Variants in AIG1 observed in about 807,000 individuals in gnomAD.
The protein encoded by AIG1 is androgen induced 1, also known as androgen-induced gene 1 protein.
In AIG1, 23 loss-of-function variants were observed where a neutral mutation model predicts 31.4. The observed-to-expected ratio is 0.73, with a 90% confidence interval of 0.53 to 1.04. AIG1 has a LOEUF of 1.04. Among genes scored for constraint, AIG1 ranks in the 50% least tolerant of loss-of-function variants. The pLI, the probability that AIG1 is intolerant of heterozygous loss-of-function variation, is 0.00. For missense variants in AIG1, 274 were observed against 295.0 expected (o/e 0.93, Z 0.52); for synonymous variants, 100 against 110.5 (o/e 0.90, Z 0.60).
rs1281415372 is a variant in AIG1, at chr6:143,325,526, A to G, written c.516-7756A>G. ...GACTGAACTCATCATCCCTTCAAAC[A>G]GGCTCCCTTACAGCATTCCCTCTCT... is the stretch of plus-strand genomic sequence containing the variant. On this transcript the variant is annotated intron_variant, in intron 4 of 5. Transcript: ENST00000357847. This position sits in a 1 kb window ranked among gnomAD's most constrained non-coding sequence, Gnocchi z 4.3. Among the ~76,000 whole-genome samples the G allele has an allele frequency of 1.3e-5, 2 of 152,162 alleles. No homozygotes were observed. The highest frequency in any genetic ancestry group is 4.8e-5 in the African/African-American group (2 of 41,446).
intron 1 of AIG1, among the ~76,000 whole-genome samples, chr6:143,092,674 G>A (rs1056115010): frequency 6.6e-5 from 10 of 152,008 alleles, no homozygotes; most frequent in East Asian, 1.9e-4. Context: ...TTAGATTTTC[G>A]AAATGGTAAA....
intron 1 of AIG1, among the ~76,000 whole-genome samples, chr6:143,125,008 G>GT (rs781148314): frequency 1.3e-5 from 2 of 151,956 alleles, no homozygotes; most frequent in Non-Finnish European, 2.9e-5. Flanking sequence ...TCCAAGTTTT[G>GT]TTTTTTTGGG....
At chr6:143,184,242 C>A (rs1789013642) in intron 3 of AIG1, among the ~76,000 whole-genome samples, 1 of 152,174 alleles carries the variant, frequency 6.6e-6, no homozygotes, top group African/African-American at 2.4e-5. Flanking sequence ...TTCTGCAGCC[C>A]AAATTTCTCC....
chr6:143,118,600 T>G (rs565157189), intron 1 of AIG1, among the ~76,000 whole-genome samples: 1 of 152,364 alleles, frequency 6.6e-6, no homozygotes, highest in East Asian at 1.9e-4. Context: ...GAAAAATGTT[T>G]GTTCAGCCAT....
intron 3 of AIG1, among the ~76,000 whole-genome samples, chr6:143,232,533 T>C (rs1235466085): frequency 6.6e-6 from 1 of 152,198 alleles, no homozygotes; most frequent in East Asian, 1.9e-4. Flanking sequence ...CCCAAACACC[T>C]TCTTTGCCAA....
rs994978816 is a variant in AIG1 at position 143,326,548 on chromosome 6, G to A, written c.516-6734G>A. On this transcript the variant is annotated intron_variant, in intron 4 of 5. Coordinates refer to ENST00000357847, the MANE Select transcript of AIG1 (RefSeq NM_016108.4). This position sits in a 1 kb window ranked among gnomAD's most constrained non-coding sequence, Gnocchi z 4.5. ...CCCACCGAACTTACACTGTAGAGGG[G>A]GAGAAACATATTATTTAAATAAAGA... 3.3e-5 allele frequency among the ~76,000 whole-genome samples: 5 copies of A among 152,162 alleles called. No individual in the cohort carries two copies. The East Asian group carries it at 9.7e-4, about 29-fold the overall frequency.
At chr6:143,183,983 C>T (rs1423405245) in intron 3 of AIG1, among the ~76,000 whole-genome samples, 2 of 152,196 alleles carry the variant, frequency 1.3e-5, no homozygotes, top group Non-Finnish European at 2.9e-5. Context: ...AACCTCAGCA[C>T]ACATCATTGT....
intron 3 of AIG1, among the ~76,000 whole-genome samples, chr6:143,209,611 A>G (rs1468732154): frequency 1.3e-5 from 2 of 152,198 alleles, no homozygotes; most frequent in African/African-American, 2.4e-5. Context: ...GAAGTGCAAG[A>G]AAATGGATTC....
intron 3 of AIG1, among the ~76,000 whole-genome samples, chr6:143,208,909 A>G (rs1562491020): frequency 6.6e-6 from 1 of 152,114 alleles, no homozygotes; most frequent in Non-Finnish European, 1.5e-5. Flanking sequence ...TGCAGAGAGA[A>G]GCGATTGCTG....
intron 3 of AIG1, among the ~76,000 whole-genome samples, chr6:143,182,602 C>T (rs1204693111): frequency 1.3e-5 from 2 of 152,138 alleles, no homozygotes; most frequent in Non-Finnish European, 2.9e-5. Flanking sequence ...AATCCCCTAA[C>T]CCTGCTCCCC....
rs910921762 is a variant in AIG1, at chr6:143,268,191, G to A, written c.400-15919G>A. 5.3e-5 allele frequency among the ~76,000 whole-genome samples: 8 copies of A among 152,106 alleles called. No homozygotes were observed. The highest frequency in any genetic ancestry group is 4.6e-4 in the Admixed American group (7 of 15,284). ...GTGGGTGAAAATGACAAAACATAGG[G>A]CCATAAGGAGGAATAAAACCAAAGG... On this transcript the variant is annotated intron_variant, in intron 3 of 5. Coordinates refer to ENST00000357847, the MANE Select transcript of AIG1 (RefSeq NM_016108.4). This position sits in a 1 kb window ranked among gnomAD's most constrained non-coding sequence, Gnocchi z 5.0.
At chr6:143,130,634 G>A (rs9484704) in intron 1 of AIG1, among the ~76,000 whole-genome samples, 2,004 of 152,150 alleles carry the variant, frequency 0.013, 44 homozygotes, top group African/African-American at 0.044. Context: ...CAGGAGAATC[G>A]ATTTAACCCA....
At chr6:143,086,372 C>T (rs1005509191) in intron 1 of AIG1, among the ~76,000 whole-genome samples, 1 of 149,632 alleles carries the variant, frequency 6.7e-6, no homozygotes, top group Non-Finnish European at 1.5e-5. Flanking sequence ...TCTCTTTCTG[C>T]CTCTCTTTCC....
chr6:143,216,790 T>G (rs907712479), intron 3 of AIG1, among the ~76,000 whole-genome samples: 3 of 152,180 alleles, frequency 2.0e-5, no homozygotes, highest in African/African-American at 7.2e-5. Context: ...TTCCCTACAG[T>G]GTCTTCCCCA....
intron 1 of AIG1, among the ~76,000 whole-genome samples, chr6:143,104,024 A>T (rs1583187719): frequency 6.6e-6 from 1 of 152,060 alleles, no homozygotes; most frequent in Non-Finnish European, 1.5e-5. Flanking sequence ...AGTGGTGGGG[A>T]TGATGGGAAG....
In AIG1 at chr6:143,333,526, T is replaced by C. The variant is rs957694750; in HGVS notation, c.679+81T>C. ...TGCAGAGACTGAGGGAAAATTCCACTGTAGCCTCTTCTTTTAGCCTTCACA... is the reference window on the plus strand; with the variant it reads ...TGCAGAGACTGAGGGAAAATTCCACCGTAGCCTCTTCTTTTAGCCTTCACA... On this transcript the variant is annotated intron_variant, in intron 5 of 5. Coordinates refer to ENST00000357847, the MANE Select transcript of AIG1 (RefSeq NM_016108.4). This position sits in a 1 kb window ranked among gnomAD's most constrained non-coding sequence, Gnocchi z 4.6. 6 of 1,421,680 alleles carry C rather than the reference T, an allele frequency of 4.2e-6. No individual in the cohort carries two copies. In the African/African-American group the frequency reaches 8.7e-5, roughly 21 times the overall value. 88.1% of individuals were successfully genotyped at this position (1,421,680 alleles called of 1,614,324 possible). A position where few individuals can be genotyped will look rare whatever the true frequency, so the allele number is the denominator to read the frequency against.
At chr6:143,095,901 C>CTTT (rs372161832) in intron 1 of AIG1, among the ~76,000 whole-genome samples, 274 of 103,694 alleles carry the variant, frequency 2.6e-3, no homozygotes, top group Admixed American at 3.5e-3. Context: ...GCTACTTTAT[C>CTTT]TTTTTTTTTT....
intron 4 of AIG1, among the ~76,000 whole-genome samples, chr6:143,312,460 A>G (rs1562582872): frequency 3.3e-5 from 5 of 152,170 alleles, no homozygotes; most frequent in African/African-American, 1.2e-4. Flanking sequence ...CATTAGGGAA[A>G]GGACAGTCTC....
At chr6:143,318,113 C>G (rs925188442) in intron 4 of AIG1, among the ~76,000 whole-genome samples, 7 of 151,974 alleles carry the variant, frequency 4.6e-5, no homozygotes, top group African/African-American at 1.7e-4. Context: ...CATCAAAATA[C>G]CACCATCATT....
Sources: allele counts gnomAD v4.1 joint callset (sites outside exome capture counted in the v4.1 genomes callset), GRCh38; gene constraint gnomAD v4.1.1; non-coding constraint Gnocchi (gnomAD v3.1); transcripts MANE v1.5; gene names NCBI Gene and HGNC (gene_info 2026-07-23, HGNC 2026-07-21).